SYNPO2: variants seen among roughly 807,000 people sequenced by gnomAD.
The protein encoded by SYNPO2 is synaptopodin 2.
A neutral mutation model predicts 85.0 loss-of-function variants in SYNPO2; 56 were observed. The ratio of observed to expected loss-of-function variants is 0.66; its 90% CI spans 0.53 to 0.82. The LOEUF (loss-of-function observed/expected upper bound fraction) is 0.82, where lower values mean the gene tolerates loss of function less well. Ranked by LOEUF, SYNPO2 falls within the 40% of genes least tolerant of loss-of-function variation. The pLI is 0.00. For missense variants in SYNPO2, 1,575 were observed against 1,534.2 expected, an observed-to-expected ratio of 1.03 and a Z score of -0.44; for synonymous variants, 602 against 591.1, an observed-to-expected ratio of 1.02 and a Z score of -0.27.
chr4:118,881,161 G>A (rs1045702410), intron 1 of SYNPO2, among the ~76,000 whole-genome samples: 2 of 152,056 alleles, frequency 1.3e-5, no homozygotes, highest in Non-Finnish European at 2.9e-5. Flanking sequence ...AATTAGCCGG[G>A]TGTAGTGGCG....
At chr4:118,976,134 C>G (rs1303541719) in intron 1 of SYNPO2, among the ~76,000 whole-genome samples, 1 of 152,122 alleles carries the variant, frequency 6.6e-6, no homozygotes, top group Non-Finnish European at 1.5e-5. Flanking sequence ...CGCGGACTCT[C>G]GCGGTGAGTG....
intron 1 of SYNPO2, among the ~76,000 whole-genome samples, chr4:118,933,540 A>G (rs1226585078): frequency 6.6e-6 from 1 of 152,168 alleles, no homozygotes; most frequent in Non-Finnish European, 1.5e-5. Flanking sequence ...TTCACTTTTT[A>G]TTTTTAATCA....
intron 1 of SYNPO2, among the ~76,000 whole-genome samples, chr4:118,916,901 CTT>C (rs993765960): frequency 1.3e-5 from 2 of 151,750 alleles, no homozygotes; most frequent in Non-Finnish European, 2.9e-5. Context: ...CCTGGCTAAT[CTT>C]TTTTTATTTT....
chr4:118,926,382 A>G (rs937669497), intron 1 of SYNPO2, among the ~76,000 whole-genome samples: 8 of 152,190 alleles, frequency 5.3e-5, no homozygotes, highest in Non-Finnish European at 1.2e-4. Flanking sequence ...TCAACAGTGG[A>G]ATATAAAGAT....
chr4:118,976,622 C>T (rs553175657), intron 1 of SYNPO2, among the ~76,000 whole-genome samples: 1 of 152,176 alleles, frequency 6.6e-6, no homozygotes, highest in Non-Finnish European at 1.5e-5. Context: ...AGGTTCTCCA[C>T]GTCCCCATCA....
Position 118,858,613 on chromosome 4 carries a change from T to C in SYNPO2, c.12+7673T>C, listed in dbSNP as rs149924804. Among the ~76,000 whole-genome samples the C allele has an allele frequency of 5.0e-3, 763 of 152,156 alleles. 10 individuals carry two copies. The highest frequency in any genetic ancestry group is 0.018 in the African/African-American group (738 of 41,508). On this transcript the variant is annotated intron_variant, in intron 1 of 4. Coordinates refer to the SYNPO2 transcript ENST00000610556. ...GGGCACCTGTCTCAGGGCTTTCCAT[T>C]CTTCCCTCCTTTTTCAATGGCCTCA...
At chr4:118,919,981 G>A (rs939613646) in intron 1 of SYNPO2, among the ~76,000 whole-genome samples, 2 of 152,160 alleles carry the variant, frequency 1.3e-5, no homozygotes. Flanking sequence ...TATGATAACT[G>A]GTGGAGAAAT....
intron 1 of SYNPO2, among the ~76,000 whole-genome samples, chr4:118,894,202 G>A (rs1207946569): frequency 6.6e-6 from 1 of 151,950 alleles, no homozygotes; most frequent in Non-Finnish European, 1.5e-5. Context: ...ACGGGTGGTG[G>A]CACATTATGT....
intron 1 of SYNPO2, among the ~76,000 whole-genome samples, chr4:118,897,655 G>T (rs1412796626): frequency 6.6e-6 from 1 of 152,148 alleles, no homozygotes; most frequent in Admixed American, 6.5e-5. Context: ...TATAATGACA[G>T]AACTCTGAGG....
At chr4:118,920,427 A>G (rs1733494902) in intron 1 of SYNPO2, among the ~76,000 whole-genome samples, 1 of 152,174 alleles carries the variant, frequency 6.6e-6, no homozygotes, top group South Asian at 2.1e-4. Context: ...CACCCATGTC[A>G]TAAAAAACAA....
intron 1 of SYNPO2, among the ~76,000 whole-genome samples, chr4:118,930,076 G>T (rs1017190094): frequency 6.6e-6 from 1 of 152,014 alleles, no homozygotes; most frequent in Non-Finnish European, 1.5e-5. Flanking sequence ...ATTGTATTAG[G>T]TACTCAAGCA....
At chr4:118,888,771 G>A, upstream of SYNPO2, 1 of 485,666 alleles carries the variant, frequency 2.1e-6, no homozygotes, top group Non-Finnish European at 3.7e-6. Flanking sequence ...AAGGTGGGCC[G>A]AGCAAAGGAG....
At chr4:119,033,141 G>C (rs1738355044) in intron 4 of SYNPO2, 6 of 985,298 alleles carry the variant, frequency 6.1e-6, no homozygotes, top group Non-Finnish European at 7.2e-6. Flanking sequence ...TTTACTGACT[G>C]ACTACAGGGG....
rs11348298 is a variant in SYNPO2, at chr4:118,880,746, C to CAAAA, written c.12+29821_12+29824dup. 1.3e-3 allele frequency among the ~76,000 whole-genome samples: 169 copies of CAAAA among 131,818 alleles called. 1 individual carries two copies. The highest frequency in any genetic ancestry group is 4.5e-3 in the African/African-American group (148 of 32,810). 86.5% of individuals were successfully genotyped at this position (131,818 alleles called of 152,430 possible). Reference sequence around the variant, plus strand: ...TGGGCGACAGAGCGAGACTCTGTCCCAAAAAAAAAAAAAAAAAATTATGCA... The same window carrying CAAAA: ...TGGGCGACAGAGCGAGACTCTGTCCCAAAAAAAAAAAAAAAAAAAAAATTATGCA... On this transcript the variant is annotated intron_variant, in intron 1 of 4. Coordinates refer to the SYNPO2 transcript ENST00000610556.
At chr4:118,961,302 C>T (rs1384132744) in intron 1 of SYNPO2, among the ~76,000 whole-genome samples, 3 of 152,086 alleles carry the variant, frequency 2.0e-5, no homozygotes, top group Non-Finnish European at 4.4e-5. Flanking sequence ...CTACAGATTC[C>T]ACAGGAGCTG....
intron 4 of SYNPO2, chr4:119,035,425 G>C: frequency 1.0e-6 from 1 of 985,368 alleles, no homozygotes; most frequent in Non-Finnish European, 1.2e-6. Flanking sequence ...TTATCATTTT[G>C]ACACATCCTG....
At chr4:118,989,782 T>C (rs1408245641) in intron 1 of SYNPO2, among the ~76,000 whole-genome samples, 2 of 152,190 alleles carry the variant, frequency 1.3e-5, no homozygotes, top group African/African-American at 2.4e-5. Context: ...AGTTAGGGAC[T>C]TGGTGGAGGA....
chr4:118,971,627 G>C (rs181323134), intron 1 of SYNPO2, among the ~76,000 whole-genome samples: 1 of 152,338 alleles, frequency 6.6e-6, no homozygotes, highest in East Asian at 1.9e-4. Context: ...AAAGCTAGCT[G>C]GGCCTGCTAG....
intron 1 of SYNPO2, among the ~76,000 whole-genome samples, chr4:118,853,112 G>A (rs151005147): frequency 6.6e-6 from 1 of 152,262 alleles, no homozygotes; most frequent in African/African-American, 2.4e-5. Flanking sequence ...GGATCACTTC[G>A]TTAATTTTCA....
Sources: allele counts gnomAD v4.1 joint callset (sites outside exome capture counted in the v4.1 genomes callset), GRCh38; gene constraint gnomAD v4.1.1; transcripts MANE v1.5; gene names NCBI Gene and HGNC (gene_info 2026-07-23, HGNC 2026-07-21).